MAP3K15: variants seen among roughly 807,000 people sequenced by gnomAD.
MAP3K15 encodes the protein MAPK/ERK kinase kinase 15.
MAP3K15 carries 124 observed loss-of-function variants against 99.5 expected under a neutral mutation model. That is an observed-to-expected ratio of 1.25 (90% CI 1.08 to 1.45). The LOEUF is 1.45. Ranked by LOEUF, MAP3K15 falls within the 40% of genes most tolerant of loss-of-function variation. MAP3K15 has a pLI of 0.00. For synonymous variants in MAP3K15, 494 were observed against 439.6 expected, an observed-to-expected ratio of 1.12 and a Z score of -1.55; for missense variants, 1,242 against 1,079.7, an observed-to-expected ratio of 1.15 and a Z score of -2.11.
At chrX:19,373,176 G>A (rs773896385) in intron 21 of MAP3K15, 327 of 188,882 alleles carry the variant, frequency 1.7e-3, no homozygotes, top group Non-Finnish European at 2.4e-3. Flanking sequence ...AAGGGAGGAG[G>A]AGGGGCCAGG....
At chrX:19,471,237 A>G (rs748731745) in intron 3 of MAP3K15, among the ~76,000 whole-genome samples, 1 of 105,691 alleles carries the variant, frequency 9.5e-6, no homozygotes, top group South Asian at 4.4e-4. Context: ...AAAATACTCA[A>G]AGAAATAATT....
At chrX:19,425,453 A>G in intron 9 of MAP3K15, 78 bp downstream of exon 9, 1 of 980,565 alleles carries the variant, frequency 1.0e-6, no homozygotes, top group Non-Finnish European at 1.4e-6. Flanking sequence ...AAGGAGAAAC[A>G]TAGTGATTAT....
At chrX:19,415,281 A>T (rs1384405766) in intron 9 of MAP3K15, 24 bp from the exon 10 acceptor site, 1 of 1,129,353 alleles carries the variant, frequency 8.9e-7, no homozygotes, top group Non-Finnish European at 1.2e-6. Flanking sequence ...AAACAGCAAT[A>T]TATTGGATTC....
At chrX:19,442,561 T>C (rs1245039610) in intron 6 of MAP3K15, among the ~76,000 whole-genome samples, 1 of 104,440 alleles carries the variant, frequency 9.6e-6, no homozygotes, top group East Asian at 3.0e-4. Context: ...TCTCACTCTG[T>C]CGCCCAGATT....
chrX:19,366,403 T>C (rs2063335158), intron 25 of MAP3K15, among the ~76,000 whole-genome samples: 1 of 111,923 alleles, frequency 8.9e-6, no homozygotes, highest in Non-Finnish European at 1.9e-5. Context: ...CCAAGGCACT[T>C]CATACTACAG....
chrX:19,410,157 T>C (rs1312162606), intron 11 of MAP3K15, among the ~76,000 whole-genome samples, 184 bp from the exon 12 acceptor site: 1 of 112,531 alleles, frequency 8.9e-6, no homozygotes, highest in Non-Finnish European at 1.9e-5. Context: ...ATTATAAAAA[T>C]TCATTTGTAT....
intron 3 of MAP3K15, among the ~76,000 whole-genome samples, chrX:19,469,584 A>C (rs1173773815): frequency 7.2e-5 from 8 of 110,767 alleles, no homozygotes; most frequent in African/African-American, 2.3e-4. Flanking sequence ...TCTGCACAGC[A>C]AAAGAAACTA....
chrX:19,467,463 T>C (rs947449869), intron 3 of MAP3K15, among the ~76,000 whole-genome samples: 1 of 111,257 alleles, frequency 9.0e-6, no homozygotes, highest in South Asian at 3.8e-4. Flanking sequence ...GTAGAAGCTC[T>C]ACCCTAGGCA....
chrX:19,451,697 G>A (rs113861583), intron 6 of MAP3K15, among the ~76,000 whole-genome samples: 33 of 109,946 alleles, frequency 3.0e-4, no homozygotes, highest in African/African-American at 1.1e-3. Flanking sequence ...GGCAAGGATT[G>A]GAGAAACTGT....
At chrX:19,473,181 T>TA (rs2064219106) in intron 3 of MAP3K15, among the ~76,000 whole-genome samples, 1 of 112,187 alleles carries the variant, frequency 8.9e-6, no homozygotes. Context: ...TTTGGGAAGG[T>TA]AAAAATACTT....
intron 6 of MAP3K15, among the ~76,000 whole-genome samples, chrX:19,434,529 C>T (rs1043772554): frequency 4.5e-5 from 5 of 110,890 alleles, no homozygotes; most frequent in Non-Finnish European, 9.4e-5. Context: ...TGAGCCACTG[C>T]GCCCGGCCAC....
Position 19,515,222 on chromosome X carries a change from C to G in MAP3K15, c.40G>C (p.Gly14Arg). 2 of 890,601 alleles carry G rather than the reference C, an allele frequency of 2.2e-6. No homozygotes were observed. Among genetic ancestry groups the G allele is most frequent in the Non-Finnish European group, 2.8e-6 (2 of 725,784 alleles). The allele number at this position is 890,601 out of a possible 1,213,427, so 73.4% of individuals were successfully genotyped here. The change falls in exon 1 of 29, where the codon GGG (glycine) becomes CGG (arginine). Residue 14 changes from glycine (G) to arginine (R), a missense_variant. Gly to Arg is a moderately radical substitution (Grantham distance 125). Coordinates refer to ENST00000338883, the MANE Select transcript of MAP3K15 (RefSeq NM_001001671.4). ...GGGNAPAGAL[G>R]AASESPQCPP... ...CACTGAGGGGACTCGCTCGCCGCCC[C>G]GAGGGCCCCGGCCGGAGCATTCCCA...
In MAP3K15 at chrX:19,363,942, C is replaced by T. The variant is rs753442971; in HGVS notation, c.3567-1092G>A. Among the ~76,000 whole-genome samples, 185 of 110,596 alleles carry T rather than the reference C, an allele frequency of 1.7e-3. 1 individual carries two copies. Among genetic ancestry groups the T allele is most frequent in the African/African-American group, 5.6e-3 (169 of 30,337 alleles). ...TGCTGGGATTACAGGTGTGAGCCAC[C>T]GCACCCAGCTGGAAGCCCCTGCTTG... On this transcript the variant is annotated intron_variant, in intron 25 of 28. Coordinates refer to ENST00000338883, the MANE Select transcript of MAP3K15 (RefSeq NM_001001671.4).
intron 25 of MAP3K15, among the ~76,000 whole-genome samples, chrX:19,368,826 C>T (rs747840527): frequency 9.3e-6 from 1 of 107,835 alleles, no homozygotes; most frequent in Non-Finnish European, 1.9e-5. Context: ...ACTATATATA[C>T]CTCTCTGATT....
intron 22 of MAP3K15, among the ~76,000 whole-genome samples, chrX:19,372,127 G>A (rs1465526462): frequency 3.4e-4 from 5 of 14,819 alleles, no homozygotes; most frequent in African/African-American, 6.7e-4. Flanking sequence ...GAGTGAGACT[G>A]TCTAAAAAAA....
chrX:19,374,356 AATGACGTG>A (rs1337638586), intron 20 of MAP3K15, 113 bp downstream of exon 20: 5 of 650,253 alleles, frequency 7.7e-6, no homozygotes, highest in Non-Finnish European at 1.2e-5. Context: ...CAAAAATGGG[AATGACGTG>A]AGCAGCCCAG....
At chrX:19,364,753 C>T (rs915740759) in intron 25 of MAP3K15, among the ~76,000 whole-genome samples, 2 of 109,762 alleles carry the variant, frequency 1.8e-5, no homozygotes, top group African/African-American at 3.3e-5. Context: ...ATTAGCCAGG[C>T]GTGGTGGCAC....
At chrX:19,491,377 A>T (rs187987220) in intron 1 of MAP3K15, among the ~76,000 whole-genome samples, 1 of 111,505 alleles carries the variant, frequency 9.0e-6, no homozygotes, top group East Asian at 2.8e-4. Flanking sequence ...CACCCCCAGG[A>T]GGGCACATAA....
At chrX:19,491,436 C>T (rs7052536) in intron 1 of MAP3K15, among the ~76,000 whole-genome samples, 29,307 of 109,424 alleles carry the variant, frequency 0.27, 4,400 homozygotes, top group African/African-American at 0.56. Context: ...GGAAGGGATA[C>T]TGTCCATGAC....
Sources: allele counts gnomAD v4.1 joint callset (sites outside exome capture counted in the v4.1 genomes callset), GRCh38; gene constraint gnomAD v4.1.1; transcripts MANE v1.5; gene names NCBI Gene and HGNC (gene_info 2026-07-23, HGNC 2026-07-21).